Variants in KCTD3 observed in about 807,000 individuals in gnomAD.
KCTD3 encodes the protein potassium channel tetramerization domain containing 3.
Under a neutral mutation model 85.8 loss-of-function variants are expected in KCTD3, and 41 were observed. That is an observed-to-expected ratio of 0.48 (90% CI 0.37 to 0.62). The LOEUF is 0.62. Among genes scored for constraint, KCTD3 ranks in the 20% least tolerant of loss-of-function variants. The pLI is 0.00. For missense variants in KCTD3, 724 were observed against 989.9 expected (o/e 0.73, Z 3.60); for synonymous variants, 338 against 345.4 (o/e 0.98, Z 0.24).
chr1:215,619,308 G>C lies in KCTD3; in HGVS notation c.1886+17G>C. 6.3e-7 allele frequency: 1 copy of C among 1,592,322 alleles called. No individual in the cohort carries two copies. ...AAATTCTAGGTAGGTTAAAGAGTTG[G>C]GTATTATAAACAAAATTTATTTCTT... On this transcript the variant is annotated intron_variant, in intron 17 of 17. Transcript: ENST00000259154.
intron 9 of KCTD3, among the ~76,000 whole-genome samples, chr1:215,591,797 A>G (rs1660237529): frequency 6.6e-6 from 1 of 152,172 alleles, no homozygotes; most frequent in Admixed American, 6.5e-5. Flanking sequence ...TACTAACTCT[A>G]GCCTCAAGTT....
At position 215,569,146 on chromosome 1, in the gene KCTD3, G is replaced by T. The variant is rs1411865278; in HGVS notation, c.83+1378G>T. The stretch of plus-strand genomic sequence containing the variant: ...TTTTCTTTTTTTTTTTTTTTGAGAC[G>T]GAGTCTTGCTCTGTCGCCTGGCTGG... On this transcript the variant is annotated intron_variant, in intron 1 of 17. Transcript: ENST00000259154. Among the ~76,000 whole-genome samples, 19 of 146,590 alleles carry T rather than the reference G, an allele frequency of 1.3e-4. 1 individual carries two copies. Among genetic ancestry groups the T allele is most frequent in the Non-Finnish European group, 7.5e-5 (5 of 66,968 alleles).
chr1:215,584,418 T>C (rs1412013279), intron 8 of KCTD3, among the ~76,000 whole-genome samples: 1 of 152,224 alleles, frequency 6.6e-6, no homozygotes. Context: ...AGGCTCTTTT[T>C]AAATTGACTT....
chr1:215,579,521 CG>C (rs1308605716), intron 7 of KCTD3, among the ~76,000 whole-genome samples: 1 of 147,118 alleles, frequency 6.8e-6, no homozygotes, highest in African/African-American at 2.5e-5. Context: ...TTTTTTGAGA[CG>C]GAGTCTCGCT....
intron 10 of KCTD3, among the ~76,000 whole-genome samples, chr1:215,598,554 CAAAT>C (rs1051637999): frequency 1.1e-4 from 17 of 151,780 alleles, no homozygotes; most frequent in African/African-American, 3.9e-4. Context: ...CACATGGAAA[CAAAT>C]AACGAAAAGT....
intron 9 of KCTD3, among the ~76,000 whole-genome samples, chr1:215,592,237 G>A (rs1275446935): frequency 6.6e-6 from 1 of 152,188 alleles, no homozygotes; most frequent in African/African-American, 2.4e-5. Context: ...TTTCTATGCT[G>A]TGATAGAAAG....
chr1:215,578,110 A>T (rs779710590), intron 6 of KCTD3, 29 bp downstream of exon 6: 1 of 1,591,450 alleles, frequency 6.3e-7, no homozygotes, highest in Non-Finnish European at 8.6e-7. Flanking sequence ...ATCTTTTAAA[A>T]AATTCCTTGT....
intron 1 of KCTD3, among the ~76,000 whole-genome samples, chr1:215,570,146 A>G (rs1659307049): frequency 6.6e-6 from 1 of 152,190 alleles, no homozygotes; most frequent in African/African-American, 2.4e-5. Flanking sequence ...CTGCTGTGGC[A>G]TAGAATTGAA....
intron 8 of KCTD3, among the ~76,000 whole-genome samples, chr1:215,584,195 G>T (rs770010722): frequency 1.3e-5 from 2 of 152,178 alleles, no homozygotes; most frequent in Admixed American, 6.5e-5. Context: ...AGCAGGATGA[G>T]TCCAAATTGC....
Position 215,575,920 on chromosome 1 carries a change from C to A in KCTD3, c.203C>A (p.Pro68Gln). ...TTACAGATATTTATTGATAGAGATC[C>A]AGCAGCATTTGCACCCATTTTAAAT... ...ETGAIFIDRDPAAFAPILNFL... is the reference protein window; with the variant it reads ...ETGAIFIDRDQAAFAPILNFL... Residue 68 changes from proline (P) to glutamine (Q), a missense_variant, in exon 4 of 18, where the codon CCA becomes CAA. This residue lies in a region of KCTD3 where 97 missense variants were observed against 115.7 expected (regional missense o/e 0.84). Coordinates refer to ENST00000259154, the MANE Select transcript of KCTD3 (RefSeq NM_016121.5). The A allele has an allele frequency of 6.4e-7, 1 of 1,554,234 alleles. No individual in the cohort carries two copies. Among genetic ancestry groups the A allele is most frequent in the Non-Finnish European group, 8.7e-7 (1 of 1,144,750 alleles).
chr1:215,620,432 G>T lies in KCTD3; in HGVS notation c.2262G>T (p.Arg754Ser). The T allele has an allele frequency of 6.2e-7, 1 of 1,613,700 alleles. No homozygotes were observed. Among genetic ancestry groups the T allele is most frequent in the Non-Finnish European group, 8.5e-7 (1 of 1,179,772 alleles). The change falls in exon 18 of 18, where the codon AGG becomes AGT. Residue 754 changes from arginine to serine, a missense_variant. Physicochemically the swap from Arg to Ser is moderately radical, Grantham distance 110. This residue lies in a region of KCTD3 where 222 missense variants were observed against 217.7 expected (regional missense o/e 1.02). Transcript: ENST00000259154. ...AAAATGAAAATAAAATAGAGTTTAG[G>T]AAGAAAGGAGGATTTGAAGGGGGAG... ...EDENENKIEF[R>S]KKGGFEGGGF...
chr1:215,574,062 A>T lies in KCTD3; in HGVS notation c.138-11A>T, dbSNP rs570259233. ...TTTAAAAACTAACTTTAGATTATTA[A>T]TGACTTCCAGTTTGCTGAGTGGGAG... On this transcript the variant is annotated splice_polypyrimidine_tract_variant and intron_variant, in intron 2 of 17. Transcript: ENST00000259154. The T allele has an allele frequency of 2.5e-6, 4 of 1,577,818 alleles. No individual in the cohort carries two copies. Among genetic ancestry groups the T allele is most frequent in the East Asian group, 2.2e-5 (1 of 44,452 alleles).
chr1:215,614,951 G>T (rs1655376070), intron 15 of KCTD3, among the ~76,000 whole-genome samples: 1 of 152,092 alleles, frequency 6.6e-6, no homozygotes, highest in Non-Finnish European at 1.5e-5. Context: ...ATTAAAACTG[G>T]TATCATAACA....
rs1036739709 is a variant in KCTD3 at position 215,591,907 on chromosome 1, A to G, written c.818-3449A>G. ...ACATACTCAAAACTGGGAAATTCACAAAAGAAAGAGGTTTAATTGGACTTA... is the reference window on the plus strand; with the variant it reads ...ACATACTCAAAACTGGGAAATTCACGAAAGAAAGAGGTTTAATTGGACTTA... On this transcript the variant is annotated intron_variant, in intron 9 of 17. Coordinates refer to ENST00000259154, the MANE Select transcript of KCTD3 (RefSeq NM_016121.5). Among the ~76,000 whole-genome samples, 3 of 152,228 alleles carry G rather than the reference A, an allele frequency of 2.0e-5. No individual in the cohort carries two copies. The East Asian group carries it at 5.8e-4, about 29-fold the overall frequency.
chr1:215,601,772 C>T, intron 10 of KCTD3, 95 bp from the exon 11 acceptor site: 3 of 744,368 alleles, frequency 4.0e-6, no homozygotes, highest in East Asian at 5.3e-5. Flanking sequence ...TATTGGTTGC[C>T]TCTTTACCAG....
At chr1:215,581,071 C>T in intron 8 of KCTD3, 1 of 397,942 alleles carries the variant, frequency 2.5e-6, no homozygotes, top group Non-Finnish European at 4.9e-6. Flanking sequence ...CATGGTGAAA[C>T]CCCATCTCTA....
Position 215,604,174 on chromosome 1 carries a change from C to T in KCTD3, c.1181C>T (p.Ser394Phe). ...ATCGAGATCGCCTATGGTACGAGCT[C>T]TGGAGCAGTACGAGTGATTGTACAA... ...NWIEIAYGTS[S>F]GAVRVIVQHP... Residue 394 changes from serine (S) to phenylalanine (F), a missense_variant, in exon 13 of 18, where the codon TCT (serine) becomes TTT (phenylalanine). This residue lies in a region of KCTD3 where 146 missense variants were observed against 320.3 expected (regional missense o/e 0.46). Coordinates refer to ENST00000259154, the MANE Select transcript of KCTD3 (RefSeq NM_016121.5). The T allele has an allele frequency of 6.2e-7, 1 of 1,613,756 alleles. No individual in the cohort carries two copies. The highest frequency in any genetic ancestry group is 1.1e-5 in the South Asian group (1 of 91,070).
chr1:215,572,077 T>C (rs1461987198), intron 1 of KCTD3, among the ~76,000 whole-genome samples: 2 of 152,218 alleles, frequency 1.3e-5, no homozygotes, highest in African/African-American at 4.8e-5. Flanking sequence ...ATGATTTAAG[T>C]GGGCAGTTTA....
At chr1:215,576,224 A>G (rs1305996141) in intron 4 of KCTD3, among the ~76,000 whole-genome samples, 1 of 151,848 alleles carries the variant, frequency 6.6e-6, no homozygotes, top group Non-Finnish European at 1.5e-5. Context: ...ACATGCCACC[A>G]TGCCCGGCTG....
Sources: allele counts gnomAD v4.1 joint callset (sites outside exome capture counted in the v4.1 genomes callset), GRCh38; gene constraint gnomAD v4.1.1; regional missense constraint gnomAD v4.1.1; transcripts MANE v1.5; gene names NCBI Gene and HGNC (gene_info 2026-07-23, HGNC 2026-07-21).